ELAVL4: variants seen among roughly 807,000 people sequenced by gnomAD.
ELAVL4 encodes ELAV like RNA binding protein 4.
In ELAVL4, 1 loss-of-function variant was observed where a neutral mutation model predicts 35.6. That is an observed-to-expected ratio of 0.03 (90% confidence interval 0.01 to 0.13). The LOEUF (loss-of-function observed/expected upper bound fraction) is 0.13, where lower values mean the gene tolerates loss of function less well. ELAVL4 is among the 10% of genes least tolerant of loss of function. The pLI is 1.00. For synonymous variants in ELAVL4, 156 were observed against 171.0 expected (o/e 0.91, Z 0.69); for missense variants, 267 against 464.9 (o/e 0.57, Z 3.91).
intron 1 of ELAVL4, among the ~76,000 whole-genome samples, chr1:50,064,425 A>C (rs989257073): frequency 6.6e-6 from 1 of 152,042 alleles, no homozygotes. Context: ...GGACTAGACT[A>C]ATCTTACTAT....
At chr1:50,092,657 C>T (rs1665546985) in intron 1 of ELAVL4, among the ~76,000 whole-genome samples, 2 of 152,148 alleles carry the variant, frequency 1.3e-5, no homozygotes, top group Admixed American at 1.3e-4. Context: ...TGACTGTAAA[C>T]ACTAATAACA....
At chr1:50,078,653 G>T (rs1664871664) in intron 1 of ELAVL4, among the ~76,000 whole-genome samples, 1 of 152,164 alleles carries the variant, frequency 6.6e-6, no homozygotes, top group Non-Finnish European at 1.5e-5. Context: ...TCGTCCTACT[G>T]TCTGTCATCT....
At position 50,195,558 on chromosome 1, in the gene ELAVL4, C is replaced by T. The variant is rs775113914; in HGVS notation, c.509-3C>T. On this transcript the variant is annotated splice_polypyrimidine_tract_variant and splice_region_variant and intron_variant, in intron 4 of 6. Transcript: ENST00000371824. Reference sequence around the variant, plus strand: ...TTTACAAAGGCTCTTTCTCTTTCCCCAGGAGTGTCCAGAGGGGTGGGATTC... The same window carrying T: ...TTTACAAAGGCTCTTTCTCTTTCCCTAGGAGTGTCCAGAGGGGTGGGATTC... The T allele has an allele frequency of 5.0e-6, 8 of 1,614,052 alleles. No individual in the cohort carries two copies. In the South Asian group the frequency reaches 7.7e-5, roughly 16 times the overall value.
intron 2 of ELAVL4, among the ~76,000 whole-genome samples, chr1:50,158,249 T>C (rs1176176324): frequency 6.6e-6 from 1 of 152,238 alleles, no homozygotes; most frequent in Non-Finnish European, 1.5e-5. Context: ...GAAACAGCTG[T>C]GTGATCTTGG....
At chr1:50,167,951 A>G (rs889825459) in intron 2 of ELAVL4, among the ~76,000 whole-genome samples, 2 of 152,172 alleles carry the variant, frequency 1.3e-5, no homozygotes, top group African/African-American at 2.4e-5. Flanking sequence ...GCTACAGCCC[A>G]TGAATCACTA....
chr1:50,163,292 C>T (rs936096974), intron 2 of ELAVL4, among the ~76,000 whole-genome samples: 6 of 152,192 alleles, frequency 3.9e-5, no homozygotes, highest in Non-Finnish European at 8.8e-5. Context: ...ACTGATAATT[C>T]ATGAGTCTGA....
At chr1:50,160,194 G>A (rs539697203) in intron 2 of ELAVL4, among the ~76,000 whole-genome samples, 1 of 152,184 alleles carries the variant, frequency 6.6e-6, no homozygotes, top group East Asian at 1.9e-4. Context: ...CATCTGCCAC[G>A]TACTTGACTC....
At chr1:50,167,257 G>C (rs1678103471) in intron 2 of ELAVL4, among the ~76,000 whole-genome samples, 2 of 152,268 alleles carry the variant, frequency 1.3e-5, no homozygotes, top group African/African-American at 4.8e-5. Flanking sequence ...GGGGAACATG[G>C]TAATATCAGT....
At chr1:50,173,414 T>C (rs1679396687) in intron 2 of ELAVL4, among the ~76,000 whole-genome samples, 1 of 152,236 alleles carries the variant, frequency 6.6e-6, no homozygotes, top group African/African-American at 2.4e-5. Flanking sequence ...CCATTATGTA[T>C]AGCAGTTTTC....
chr1:50,065,463 A>G (rs1209292986), intron 1 of ELAVL4, among the ~76,000 whole-genome samples: 3 of 152,330 alleles, frequency 2.0e-5, no homozygotes, highest in Non-Finnish European at 4.4e-5. Flanking sequence ...AACTTAACCA[A>G]TGTGCACCTT....
At chr1:50,190,472 C>T (rs917194660) in intron 3 of ELAVL4, among the ~76,000 whole-genome samples, 1 of 152,142 alleles carries the variant, frequency 6.6e-6, no homozygotes, top group African/African-American at 2.4e-5. Context: ...ATCCATACGC[C>T]ACAGGTTTCA....
In ELAVL4 at chr1:50,201,868, C is replaced by T. The variant is rs939973108; in HGVS notation, c.*690C>T. On this transcript the variant is annotated 3_prime_UTR_variant, in exon 7 of 7. Coordinates refer to ENST00000371824, the MANE Select transcript of ELAVL4 (RefSeq NM_001144774.3). This position sits in a 1 kb window ranked among gnomAD's most constrained non-coding sequence, Gnocchi z 4.3. Reference sequence around the variant, plus strand: ...AATTTAATAACATTAACATTGTTGCCAAAGAGGTGGTCTCTTTGCTGAAAA... The same window carrying T: ...AATTTAATAACATTAACATTGTTGCTAAAGAGGTGGTCTCTTTGCTGAAAA... 6.6e-6 allele frequency: 1 copy of T among 151,778 alleles called. No homozygotes were observed. The highest frequency in any genetic ancestry group is 1.5e-5 in the Non-Finnish European group (1 of 67,968). The allele number at this position is 151,778 out of a possible 1,614,324, so 9.4% of individuals were successfully genotyped here.
chr1:50,084,866 A>G (rs1016376529), intron 1 of ELAVL4, among the ~76,000 whole-genome samples: 2 of 151,966 alleles, frequency 1.3e-5, no homozygotes, highest in African/African-American at 4.8e-5. Context: ...CTTATAACTT[A>G]CCATTAGTTC....
chr1:50,178,841 G>A (rs556495401), intron 3 of ELAVL4, among the ~76,000 whole-genome samples: 3 of 152,258 alleles, frequency 2.0e-5, no homozygotes, highest in East Asian at 3.9e-4. Flanking sequence ...AATGTCAGAT[G>A]TCTACTCTTC....
chr1:50,191,045 A>G (rs1178332506), intron 3 of ELAVL4, among the ~76,000 whole-genome samples: 1 of 152,194 alleles, frequency 6.6e-6, no homozygotes. Context: ...TATCCCTGGC[A>G]TAACACACAC....
intron 1 of ELAVL4, among the ~76,000 whole-genome samples, chr1:50,073,311 TG>T (rs1557687300): frequency 6.6e-6 from 1 of 152,216 alleles, no homozygotes; most frequent in Non-Finnish European, 1.5e-5. Flanking sequence ...TTTAAAGAAA[TG>T]TGGAGATTTT....
chr1:50,116,923 C>T (rs2148568001), intron 1 of ELAVL4, among the ~76,000 whole-genome samples: 1 of 152,148 alleles, frequency 6.6e-6, no homozygotes, highest in South Asian at 2.1e-4. Context: ...GTACAGTTCC[C>T]ACAAGTCCAG....
chr1:50,193,488 C>G (rs769980103), intron 3 of ELAVL4, among the ~76,000 whole-genome samples: 57 of 151,804 alleles, frequency 3.8e-4, no homozygotes, highest in Non-Finnish European at 7.2e-4. Context: ...CTGCATTTAA[C>G]AGCTGCCATA....
At chr1:50,137,360 G>T (rs1672053418) in intron 1 of ELAVL4, among the ~76,000 whole-genome samples, 1 of 152,004 alleles carries the variant, frequency 6.6e-6, no homozygotes, top group Non-Finnish European at 1.5e-5. Context: ...GAAAATTAAA[G>T]CTTTGTGAAG....
Sources: allele counts gnomAD v4.1 joint callset (sites outside exome capture counted in the v4.1 genomes callset), GRCh38; gene constraint gnomAD v4.1.1; non-coding constraint Gnocchi (gnomAD v3.1); transcripts MANE v1.5; gene names NCBI Gene and HGNC (gene_info 2026-07-23, HGNC 2026-07-21).